The following ATRNL1 variants were observed in gnomAD, a reference collection of about 807,000 sequenced individuals.
ATRNL1 encodes the protein attractin-like protein 1.
ATRNL1 carries 95 observed loss-of-function variants against 182.7 expected under a neutral mutation model. The observed-to-expected ratio is 0.52, with a 90% CI of 0.44 to 0.62. The LOEUF is 0.62. Ranked by LOEUF, ATRNL1 falls within the 20% of genes least tolerant of loss-of-function variation. The pLI, the probability that ATRNL1 is intolerant of heterozygous loss-of-function variation, is 0.00. For synonymous variants in ATRNL1, 576 were observed against 568.3 expected, an observed-to-expected ratio of 1.01 and a Z score of -0.19; for missense variants, 1,471 against 1,679.5, an observed-to-expected ratio of 0.88 and a Z score of 2.17.
At chr10:115,818,966 C>G (rs1385994394) in intron 27 of ATRNL1, among the ~76,000 whole-genome samples, 1 of 152,100 alleles carries the variant, frequency 6.6e-6, no homozygotes, top group Non-Finnish European at 1.5e-5. Flanking sequence ...AACTCTCTTC[C>G]CTTTCATGTC....
At chr10:115,315,404 C>A in intron 17 of ATRNL1, 114 bp from the exon 18 acceptor site, 1 of 725,614 alleles carries the variant, frequency 1.4e-6, no homozygotes, top group Non-Finnish European at 2.2e-6. Context: ...TTTGCATTAA[C>A]TATAGATGAC....
At chr10:115,559,280 T>C (rs17093273) in intron 26 of ATRNL1, among the ~76,000 whole-genome samples, 2,978 of 152,304 alleles carry the variant, frequency 0.02, 67 homozygotes, top group East Asian at 0.12. Context: ...GCATTTGTTA[T>C]TTTTAAATTT....
chr10:115,719,113 A>AT, intron 26 of ATRNL1, among the ~76,000 whole-genome samples: 1 of 152,228 alleles, frequency 6.6e-6, no homozygotes, highest in East Asian at 1.9e-4. Context: ...AAAGAAAAAA[A>AT]CAAAATTTTT....
chr10:115,872,792 G>A (rs1402908930), intron 28 of ATRNL1, among the ~76,000 whole-genome samples: 6 of 152,214 alleles, frequency 3.9e-5, no homozygotes, highest in Non-Finnish European at 8.8e-5. Flanking sequence ...TCAGGCAGAT[G>A]CTTCAGTTTG....
intron 26 of ATRNL1, among the ~76,000 whole-genome samples, chr10:115,567,877 G>C (rs1173725951): frequency 6.6e-6 from 1 of 152,028 alleles, no homozygotes; most frequent in African/African-American, 2.4e-5. Context: ...CAATGTCTAT[G>C]ATCTCTTTTT....
chr10:115,295,103 T>G (rs1156295626), intron 15 of ATRNL1, among the ~76,000 whole-genome samples: 3 of 152,146 alleles, frequency 2.0e-5, no homozygotes, highest in African/African-American at 7.2e-5. Context: ...AGATTGGTTT[T>G]CAAGCTTAAG....
chr10:115,861,240 G>T (rs1014870988), intron 28 of ATRNL1, among the ~76,000 whole-genome samples: 3 of 152,086 alleles, frequency 2.0e-5, no homozygotes, highest in African/African-American at 7.2e-5. Flanking sequence ...CCTCTGCTTT[G>T]CTTTTTCATT....
intron 26 of ATRNL1, among the ~76,000 whole-genome samples, chr10:115,623,666 G>C (rs1857916432): frequency 6.6e-6 from 1 of 151,826 alleles, no homozygotes; most frequent in Non-Finnish European, 1.5e-5. Flanking sequence ...TAAATAGTGG[G>C]GGTAAACAAA....
At chr10:115,131,765 C>T (rs1157520761) in intron 5 of ATRNL1, among the ~76,000 whole-genome samples, 1 of 152,034 alleles carries the variant, frequency 6.6e-6, no homozygotes, top group Non-Finnish European at 1.5e-5. Flanking sequence ...TTGTTGTTAC[C>T]TCCATTATAT....
rs74440222 is a variant in ATRNL1, at chr10:115,928,009, C to T, written c.4019-16649C>T. ...AATAATCCCTCTTCAGAATTTGGCT[C>T]TATGGACTGTTTGGGAGACTGAATT... On this transcript the variant is annotated intron_variant, in intron 28 of 28. Coordinates refer to ENST00000355044, the MANE Select transcript of ATRNL1 (RefSeq NM_207303.4). 2.3e-3 allele frequency among the ~76,000 whole-genome samples: 345 copies of T among 152,072 alleles called. 13 individuals carry two copies. The East Asian group carries it at 0.064, about 28-fold the overall frequency.
At chr10:115,266,708 A>G (rs938137119) in intron 11 of ATRNL1, 89 bp from the exon 12 acceptor site, 1 of 726,494 alleles carries the variant, frequency 1.4e-6, no homozygotes. Flanking sequence ...TAAAATGTAT[A>G]TTTAAATCTA....
At chr10:115,310,720 C>G (rs1853974313) in intron 17 of ATRNL1, among the ~76,000 whole-genome samples, 2 of 152,050 alleles carry the variant, frequency 1.3e-5, no homozygotes. Context: ...GAATCCTCTT[C>G]TTTGTTAATC....
chr10:115,609,623 G>T (rs547564715), intron 26 of ATRNL1, among the ~76,000 whole-genome samples: 1 of 152,072 alleles, frequency 6.6e-6, no homozygotes, highest in Non-Finnish European at 1.5e-5. Context: ...CCCTGCACAA[G>T]TGTGATTATT....
chr10:115,449,483 A>G (rs1847178986), intron 21 of ATRNL1, among the ~76,000 whole-genome samples: 1 of 152,194 alleles, frequency 6.6e-6, no homozygotes, highest in African/African-American at 2.4e-5. Context: ...TGGATGCTGA[A>G]CAAGAGCTCA....
At chr10:115,643,331 C>T (rs1244000043) in intron 26 of ATRNL1, among the ~76,000 whole-genome samples, 1 of 151,988 alleles carries the variant, frequency 6.6e-6, no homozygotes, top group African/African-American at 2.4e-5. Context: ...AAAATTAACT[C>T]AAAATTGATT....
chr10:115,624,848 A>G (rs1188830611), intron 26 of ATRNL1, among the ~76,000 whole-genome samples: 1 of 152,204 alleles, frequency 6.6e-6, no homozygotes, highest in African/African-American at 2.4e-5. Context: ...TCGTCTTTAC[A>G]GGATATATTT....
At chr10:115,309,751 C>T (rs1369283836) in intron 17 of ATRNL1, among the ~76,000 whole-genome samples, 1 of 151,838 alleles carries the variant, frequency 6.6e-6, no homozygotes, top group East Asian at 1.9e-4. Context: ...AAAATCACTT[C>T]ATAGTCTTTA....
intron 26 of ATRNL1, among the ~76,000 whole-genome samples, chr10:115,607,476 C>A (rs1306430236): frequency 3.3e-5 from 5 of 151,722 alleles, no homozygotes; most frequent in African/African-American, 1.2e-4. Context: ...AAGTTTACAA[C>A]TTTAAATTGC....
intron 10 of ATRNL1, among the ~76,000 whole-genome samples, chr10:115,248,307 T>TA (rs1554904582): frequency 1.3e-5 from 2 of 152,034 alleles, no homozygotes; most frequent in African/African-American, 4.8e-5. Context: ...TATTTCTCAG[T>TA]AAAAAATGTA....
Sources: allele counts gnomAD v4.1 joint callset (sites outside exome capture counted in the v4.1 genomes callset), GRCh38; gene constraint gnomAD v4.1.1; transcripts MANE v1.5; gene names NCBI Gene and HGNC (gene_info 2026-07-23, HGNC 2026-07-21).